The following TSEN15 variants were observed in gnomAD, a reference collection of about 807,000 sequenced individuals.
The protein encoded by TSEN15 is tRNA splicing endonuclease subunit 15, also known as tRNA-splicing endonuclease subunit Sen15.
A neutral mutation model predicts 20.5 loss-of-function variants in TSEN15; 10 were observed. That is an observed-to-expected ratio of 0.49 (90% CI 0.30 to 0.83). TSEN15 has a LOEUF of 0.83. Ranked by LOEUF, TSEN15 falls within the 40% of genes least tolerant of loss-of-function variation. TSEN15 has a pLI of 0.06. For synonymous variants in TSEN15, 72 were observed against 80.1 expected (o/e 0.90, Z 0.54); for missense variants, 180 against 218.6 (o/e 0.82, Z 1.11).
chr1:184,072,780 A>T lies in TSEN15; in HGVS notation c.496-47A>T, dbSNP rs756453311. The T allele has an allele frequency of 5.1e-6, 8 of 1,555,398 alleles. No individual in the cohort carries two copies. The South Asian group carries it at 9.4e-5, about 18-fold the overall frequency. ...ATCTTTCTAATTTTGCTTTTGGATT[A>T]CATTGTTTATCGGAGAAAAGTCCAT... On this transcript the variant is annotated intron_variant, in intron 4 of 4. Coordinates refer to ENST00000645668, the MANE Select transcript of TSEN15 (RefSeq NM_052965.4).
chr1:184,062,801 A>G (rs1650515811), intron 3 of TSEN15, among the ~76,000 whole-genome samples: 1 of 151,844 alleles, frequency 6.6e-6, no homozygotes. Flanking sequence ...ATTCTAATGT[A>G]AATTTTGTTT....
chr1:184,095,025 A>T (rs1040368873), intron 3 of TSEN15: 13 of 398,470 alleles, frequency 3.3e-5, no homozygotes, highest in African/African-American at 2.7e-4. Context: ...TTACACATTT[A>T]TCCAGATCAG....
At chr1:184,055,310 A>G (rs1650210680) in intron 3 of TSEN15, among the ~76,000 whole-genome samples, 1 of 152,114 alleles carries the variant, frequency 6.6e-6, no homozygotes, top group South Asian at 2.1e-4. Flanking sequence ...TGAAGACAGC[A>G]CTCAGCCATG....
rs948403610 is a variant in TSEN15, at chr1:184,054,852, C to T, written c.342C>T (p.Leu114=). The change falls in exon 3 of 5, where the codon CTC becomes CTT. Residue 114 remains leucine, a synonymous_variant. Transcript: ENST00000645668. The part of the protein sequence containing the change: ...TVVPTPITAS[L]SHNRIREILK... ...TGCCTACCCCCATCACTGCTTCCCTCAGCCATAACAGGTGAGCAGGTGATT... is the reference window on the plus strand; with the variant it reads ...TGCCTACCCCCATCACTGCTTCCCTTAGCCATAACAGGTGAGCAGGTGATT... 17 of 1,610,302 alleles carry T rather than the reference C, an allele frequency of 1.1e-5. No individual in the cohort carries two copies. The highest frequency in any genetic ancestry group is 1.7e-4 in the Middle Eastern group (1 of 6,056).
At chr1:184,089,149 A>G (rs1490484895) in intron 3 of TSEN15, among the ~76,000 whole-genome samples, 1 of 152,236 alleles carries the variant, frequency 6.6e-6, no homozygotes, top group African/African-American at 2.4e-5. Context: ...ACAAAATATC[A>G]ATTTTATTTA....
chr1:184,064,506 G>GA (rs1650576967), intron 3 of TSEN15, among the ~76,000 whole-genome samples: 1 of 152,054 alleles, frequency 6.6e-6, no homozygotes, highest in Admixed American at 6.6e-5. Context: ...ATGGGAAAAG[G>GA]AGGGGAGGAA....
intron 3 of TSEN15, among the ~76,000 whole-genome samples, chr1:184,063,033 C>T (rs796819890): frequency 1.1e-4 from 16 of 152,190 alleles, no homozygotes; most frequent in African/African-American, 3.6e-4. Context: ...TTCATCCTTT[C>T]AAACCTGACT....
In TSEN15 at chr1:184,081,725, A is replaced by C. The variant is rs149731002; in HGVS notation, c.354-13965A>C. Reference sequence around the variant, plus strand: ...GAGTTTCGGGTTGTTTTGGGAAGACAGTGAGAGGACATTGCAAGAAGGAAA... The same window carrying C: ...GAGTTTCGGGTTGTTTTGGGAAGACCGTGAGAGGACATTGCAAGAAGGAAA... On this transcript the variant is annotated intron_variant, in intron 3 of 3. Transcript: ENST00000643231. Among the ~76,000 whole-genome samples, 626 of 152,242 alleles carry C rather than the reference A, an allele frequency of 4.1e-3. 5 individuals carry two copies. Among genetic ancestry groups the C allele is most frequent in the African/African-American group, 0.014 (574 of 41,546 alleles).
chr1:184,063,170 T>C (rs1222027496), intron 3 of TSEN15, among the ~76,000 whole-genome samples: 1 of 152,128 alleles, frequency 6.6e-6, no homozygotes, highest in Non-Finnish European at 1.5e-5. Flanking sequence ...TGTTATTGTT[T>C]CGTGGCAGTT....
chr1:184,072,321 G>A (rs768269293), intron 4 of TSEN15, 23 bp downstream of exon 4: 111 of 1,576,728 alleles, frequency 7.0e-5, no homozygotes, highest in Non-Finnish European at 3.5e-5. Context: ...GTAACTGACA[G>A]CAAGAAGTAC....
At chr1:184,062,871 G>C (rs1650517482) in intron 3 of TSEN15, among the ~76,000 whole-genome samples, 1 of 151,750 alleles carries the variant, frequency 6.6e-6, no homozygotes, top group Non-Finnish European at 1.5e-5. Flanking sequence ...CTCATCTGTG[G>C]TTATATGTAA....
intron 3 of TSEN15, among the ~76,000 whole-genome samples, chr1:184,084,273 T>C (rs1651219892): frequency 6.6e-6 from 1 of 151,938 alleles, no homozygotes; most frequent in African/African-American, 2.4e-5. Flanking sequence ...TGGGAGAGAA[T>C]ACATGATAAC....
In TSEN15 at chr1:184,059,790, C is replaced by T. The variant is rs557646544; in HGVS notation, c.353+4927C>T. On this transcript the variant is annotated intron_variant, in intron 3 of 4. Transcript: ENST00000645668. ...TTTGCCTTATTGGCTAGGCTGGTCT[C>T]GAACTCCTGACCTCAAGTTATCTGC... 1.4e-4 allele frequency among the ~76,000 whole-genome samples: 22 copies of T among 152,250 alleles called. No homozygotes were observed. In the South Asian group the frequency reaches 3.1e-3, roughly 22 times the overall value.
chr1:184,056,547 C>A (rs749708027), intron 3 of TSEN15, among the ~76,000 whole-genome samples: 4 of 151,980 alleles, frequency 2.6e-5, no homozygotes, highest in Non-Finnish European at 5.9e-5. Context: ...TGAATATAAT[C>A]ATATTTATCC....
chr1:184,087,381 A>G (rs1013951747), intron 3 of TSEN15, among the ~76,000 whole-genome samples: 5 of 152,194 alleles, frequency 3.3e-5, no homozygotes, highest in African/African-American at 9.6e-5. Context: ...CACAATTTCA[A>G]GTGCTCAGGA....
In TSEN15 at chr1:184,074,123, A is replaced by G. The variant is rs1282347759; in HGVS notation, c.*1276A>G. ...AAGTAAATCAAATTACTAACTGGTT[A>G]TAGTGGGATAGGAGGCAGAAAATGG... On this transcript the variant is annotated 3_prime_UTR_variant, in exon 5 of 5. Transcript: ENST00000645668. 2 of 152,172 alleles carry G rather than the reference A, an allele frequency of 1.3e-5. No individual in the cohort carries two copies. Among genetic ancestry groups the G allele is most frequent in the African/African-American group, 4.8e-5 (2 of 41,460 alleles). 9.4% of individuals were successfully genotyped at this position (152,172 alleles called of 1,614,324 possible).
At position 184,056,293 on chromosome 1, in the gene TSEN15, T is replaced by C. The variant is rs143634001; in HGVS notation, c.353+1430T>C. 3.1e-3 allele frequency among the ~76,000 whole-genome samples: 469 copies of C among 152,278 alleles called. 2 individuals are homozygous for C. The highest frequency in any genetic ancestry group is 7.3e-3 in the African/African-American group (305 of 41,576). ...TTTTGCCAATGGAATGGATTATTCTTATTTTGGTCTTAATTTACATTTCCC... is the reference window on the plus strand; with the variant it reads ...TTTTGCCAATGGAATGGATTATTCTCATTTTGGTCTTAATTTACATTTCCC... On this transcript the variant is annotated intron_variant, in intron 3 of 4. Coordinates refer to ENST00000645668, the MANE Select transcript of TSEN15 (RefSeq NM_052965.4).
chr1:184,094,791 C>T, intron 3 of TSEN15: 1 of 374,772 alleles, frequency 2.7e-6, no homozygotes, highest in Non-Finnish European at 4.7e-6. Context: ...TATAAGCCAT[C>T]AGTCTCCAGA....
At chr1:184,061,380 G>C (rs1650448697) in intron 3 of TSEN15, among the ~76,000 whole-genome samples, 1 of 152,136 alleles carries the variant, frequency 6.6e-6, no homozygotes, top group Non-Finnish European at 1.5e-5. Context: ...GAGTTGGGTA[G>C]CATACACAGC....
Sources: gnomAD v4.1 joint callset for allele counts (sites outside exome capture counted in the v4.1 genomes callset) on GRCh38, gnomAD v4.1.1 for gene constraint, MANE v1.5 for transcripts, NCBI Gene and HGNC (gene_info 2026-07-23, HGNC 2026-07-21) for gene names.